The following CPA5 variants were observed in gnomAD, a reference collection of about 807,000 sequenced individuals.
The protein encoded by CPA5 is testicular tissue protein Li 32.
In CPA5, 38 loss-of-function variants were observed where a neutral mutation model predicts 52.2. The ratio of observed to expected loss-of-function variants is 0.73; its 90% CI spans 0.56 to 0.95. CPA5 has a LOEUF of 0.95. Ranked by LOEUF, CPA5 falls within the 40% of genes least tolerant of loss-of-function variation. The pLI, the probability that CPA5 is intolerant of heterozygous loss-of-function variation, is 0.00. For synonymous variants in CPA5, 198 were observed against 213.7 expected (o/e 0.93, Z 0.64); for missense variants, 519 against 566.7 (o/e 0.92, Z 0.86).
chr7:130,350,748 G>T (rs1297667863), intron 5 of CPA5, among the ~76,000 whole-genome samples: 1 of 152,174 alleles, frequency 6.6e-6, no homozygotes, highest in African/African-American at 2.4e-5. Flanking sequence ...CAGTCTCCCT[G>T]CTGCTTTCCC....
At chr7:130,363,391 T>C in intron 9 of CPA5, 28 bp from the exon 10 acceptor site, 1 of 1,546,386 alleles carries the variant, frequency 6.5e-7, no homozygotes, top group Non-Finnish European at 8.8e-7. Flanking sequence ...GCCCAGTGAA[T>C]GAGGTCACCT....
At chr7:130,371,534 C>T (rs1468954355), downstream of CPA5, among the ~76,000 whole-genome samples, 1 of 152,072 alleles carries the variant, frequency 6.6e-6, no homozygotes, top group East Asian at 1.9e-4. Context: ...ATTAAGCTCA[C>T]AAAAGTTGAG....
chr7:130,360,854 G>T, intron 6 of CPA5, among the ~76,000 whole-genome samples: 1 of 152,220 alleles, frequency 6.6e-6, no homozygotes, highest in East Asian at 1.9e-4. Flanking sequence ...TGTGGGTCAA[G>T]CCTGGGGATT....
intron 3 of CPA5, 72 bp downstream of exon 3, chr7:130,346,673 G>A: frequency 7.9e-7 from 1 of 1,269,884 alleles, no homozygotes. Context: ...GCAGGAGGTG[G>A]CTGCCCTGCT....
Position 130,359,570 on chromosome 7 carries a change from T to C in CPA5, c.334-19T>C. 1 of 1,547,174 alleles carries C rather than the reference T, an allele frequency of 6.5e-7. No homozygotes were observed. Among genetic ancestry groups the C allele is most frequent in the Non-Finnish European group, 8.8e-7 (1 of 1,141,958 alleles). On this transcript the variant is annotated intron_variant, in intron 5 of 12. Transcript: ENST00000474905. ...CCAGCTCTCCCCTTCCTTTCCAATA[T>C]GTGTTCCCCATCACCCAGGTGCTGC...
At chr7:130,362,854 C>A (rs1441902788) in intron 8 of CPA5, 30 bp from the exon 9 acceptor site, 2 of 1,430,932 alleles carry the variant, frequency 1.4e-6, no homozygotes, top group Non-Finnish European at 2.0e-6. Context: ...CCCAGTAGGG[C>A]CTCCCATCCC....
At chr7:130,363,637 A>C (rs375720491) in intron 10 of CPA5, 128 bp downstream of exon 10, 1 of 761,942 alleles carries the variant, frequency 1.3e-6, no homozygotes, top group Non-Finnish European at 2.2e-6. Context: ...GCTAATATGC[A>C]TGAGTCACGG....
chr7:130,370,711 G>A (rs980615258), downstream of CPA5, among the ~76,000 whole-genome samples: 10 of 152,156 alleles, frequency 6.6e-5, no homozygotes, highest in South Asian at 6.2e-4. Flanking sequence ...AAGTGCAGCC[G>A]GTGGCCCATC....
intron 5 of CPA5, among the ~76,000 whole-genome samples, chr7:130,353,451 C>T (rs773594824): frequency 6.6e-6 from 1 of 152,184 alleles, no homozygotes; most frequent in Admixed American, 6.5e-5. Flanking sequence ...TGGATCCAAC[C>T]GCCTACTCAG....
intron 8 of CPA5, 88 bp downstream of exon 8, chr7:130,362,627 A>G: frequency 1.1e-6 from 1 of 911,870 alleles, no homozygotes; most frequent in Non-Finnish European, 1.7e-6. Context: ...CCTTCAGTTC[A>G]ACAGTTACAC....
chr7:130,349,817 G>A (rs548668959), intron 4 of CPA5, among the ~76,000 whole-genome samples, 158 bp from the exon 5 acceptor site: 7 of 151,432 alleles, frequency 4.6e-5, no homozygotes, highest in Admixed American at 1.3e-4. Context: ...TCAGGCATCC[G>A]CTGAGGGGCT....
chr7:130,373,775 T>G, the CPA5 span, among the ~76,000 whole-genome samples: 1 of 152,240 alleles, frequency 6.6e-6, no homozygotes, highest in Non-Finnish European at 1.5e-5. Flanking sequence ...ATGGGGCCTG[T>G]CGGAACTTCC....
At chr7:130,351,638 G>A (rs1455981815) in intron 5 of CPA5, among the ~76,000 whole-genome samples, 2 of 152,188 alleles carry the variant, frequency 1.3e-5, no homozygotes, top group Admixed American at 6.5e-5. Flanking sequence ...AGGGAGCTGG[G>A]GGTGGGGTGG....
chr7:130,357,250 G>A (rs1795528283), intron 5 of CPA5, among the ~76,000 whole-genome samples: 1 of 152,184 alleles, frequency 6.6e-6, no homozygotes, highest in Non-Finnish European at 1.5e-5. Context: ...GGGGATGAGT[G>A]AGTCATTAGG....
In CPA5 at chr7:130,362,540, G is replaced by A. The variant is rs1554407048; in HGVS notation, c.636+1G>A. The A allele has an allele frequency of 6.2e-7, 1 of 1,610,612 alleles. No homozygotes were observed. Among genetic ancestry groups the A allele is most frequent in the Non-Finnish European group, 8.5e-7 (1 of 1,177,090 alleles). ...CACCGGCATCTGGACTGCCAATAAG[G>A]TCAGCATGGACCTGTAGCCAAGGTG... On this transcript the variant is annotated splice_donor_variant, in intron 8 of 12. Transcript: ENST00000474905. LOFTEE classifies it high-confidence loss of function.
At chr7:130,346,147 T>A (rs1794721551) in intron 2 of CPA5, among the ~76,000 whole-genome samples, 1 of 152,076 alleles carries the variant, frequency 6.6e-6, no homozygotes, top group Non-Finnish European at 1.5e-5. Context: ...AGGAGGGGTA[T>A]CCCAGGGCTG....
intron 5 of CPA5, among the ~76,000 whole-genome samples, chr7:130,356,780 C>T (rs1314453758): frequency 3.3e-5 from 5 of 152,010 alleles, no homozygotes; most frequent in East Asian, 1.9e-4. Flanking sequence ...TTTCTTTTTC[C>T]GATTTCTCCT....
chr7:130,347,882 CCCT>C (rs782613228), intron 4 of CPA5, 35 bp downstream of exon 4: 1 of 1,551,804 alleles, frequency 6.4e-7, no homozygotes, highest in Admixed American at 1.7e-5. Context: ...CAACCCCACC[CCCT>C]CCTCAGTGGC....
Position 130,368,698 on chromosome 7 carries a change from C to A in CPA5, c.*101C>A. On this transcript the variant is annotated 3_prime_UTR_variant, in exon 13 of 13. Transcript: ENST00000474905. ...CCCCATCCCCATGCCCTCATCCCGACCTCTTAGAAAATAAATACAAGTTTG... is the reference window on the plus strand; with the variant it reads ...CCCCATCCCCATGCCCTCATCCCGAACTCTTAGAAAATAAATACAAGTTTG... The A allele has an allele frequency of 2.4e-6, 3 of 1,225,204 alleles. No individual in the cohort carries two copies. The highest frequency in any genetic ancestry group is 3.5e-6 in the Non-Finnish European group (3 of 860,580). The allele number at this position is 1,225,204 out of a possible 1,614,324, so 75.9% of individuals were successfully genotyped here.
Sources: gnomAD v4.1 joint callset for allele counts (sites outside exome capture counted in the v4.1 genomes callset) on GRCh38, gnomAD v4.1.1 for gene constraint, MANE v1.5 for transcripts, NCBI Gene and HGNC (gene_info 2026-07-23, HGNC 2026-07-21) for gene names.